DSG3: variants seen among roughly 807,000 people sequenced by gnomAD.
DSG3 encodes the protein desmoglein 3.
In DSG3, 63 loss-of-function variants were observed where a neutral mutation model predicts 85.9. The observed-to-expected ratio is 0.73, with a 90% CI of 0.60 to 0.90. DSG3 has a LOEUF of 0.90. DSG3 is among the 40% of genes least tolerant of loss of function. The pLI is 0.00. For missense variants in DSG3, 1,220 were observed against 1,219.9 expected (o/e 1.00, Z 0.00); for synonymous variants, 447 against 441.9 (o/e 1.01, Z -0.14).
chr18:31,469,428 T>G (rs1267945322), intron 12 of DSG3, 79 bp downstream of exon 12: 2 of 1,543,594 alleles, frequency 1.3e-6, no homozygotes, highest in Non-Finnish European at 1.7e-6. Flanking sequence ...TGCTCATCTG[T>G]GCAATGGGGA....
Position 31,476,279 on chromosome 18 carries a change from C to A in DSG3, c.*19C>A. ...AATATGACCAGAATGAGCTGGAATA[C>A]CACACTGACCAAATCTGGATCTTTG... is the stretch of plus-strand genomic sequence containing the variant. On this transcript the variant is annotated 3_prime_UTR_variant, in exon 16 of 16. Coordinates refer to ENST00000257189, the MANE Select transcript of DSG3 (RefSeq NM_001944.3). The A allele has an allele frequency of 6.3e-7, 1 of 1,582,756 alleles. No individual in the cohort carries two copies. Among genetic ancestry groups the A allele is most frequent in the Non-Finnish European group, 8.6e-7 (1 of 1,163,894 alleles).
chr18:31,476,114 G>C lies in DSG3; in HGVS notation c.2854G>C (p.Asp952His). The C allele has an allele frequency of 6.2e-7, 1 of 1,614,122 alleles. No homozygotes were observed. Among genetic ancestry groups the C allele is most frequent in the Non-Finnish European group, 8.5e-7 (1 of 1,180,018 alleles). Residue 952 changes from aspartate to histidine, a missense_variant, in exon 16 of 16, where the codon GAT (aspartate) becomes CAT (histidine). Physicochemically the swap from Asp to His is moderately conservative, Grantham distance 81 (BLOSUM62 -1). Coordinates refer to ENST00000257189, the MANE Select transcript of DSG3 (RefSeq NM_001944.3). ...SLVQPSTAGF[D>H]PLLTQNVIVT... Reference sequence around the variant, plus strand: ...CGTGCAACCTTCCACTGCAGGCTTTGATCCACTTCTCACACAAAATGTGAT... The same window carrying C: ...CGTGCAACCTTCCACTGCAGGCTTTCATCCACTTCTCACACAAAATGTGAT...
chr18:31,463,721 C>CT (rs557926261), intron 8 of DSG3, among the ~76,000 whole-genome samples: 1 of 151,846 alleles, frequency 6.6e-6, no homozygotes, highest in Admixed American at 6.6e-5. Flanking sequence ...TGAGGTAAGG[C>CT]TTTTTTTTCA....
rs16961966 is a variant in DSG3 at position 31,461,158 on chromosome 18, T to A, written c.814-69T>A. On this transcript the variant is annotated intron_variant, in intron 7 of 15. Coordinates refer to ENST00000257189, the MANE Select transcript of DSG3 (RefSeq NM_001944.3). ...AATTTGAGAAATAAGGATTACCATT[T>A]AGAAGAAACATAATCTCTCCATGTA... The A allele has an allele frequency of 2.4e-3, 3,217 of 1,366,088 alleles. 69 individuals are homozygous for A. The African/African-American group carries it at 0.042, about 18-fold the overall frequency. 84.6% of individuals were successfully genotyped at this position (1,366,088 alleles called of 1,614,324 possible). A position where few individuals can be genotyped will look rare whatever the true frequency, so the allele number is the denominator to read the frequency against.
In DSG3 at chr18:31,477,738, TGGTCATTCAAG is replaced by T. The variant is rs2072897805; in HGVS notation, c.*1479_*1489del. ...GTAATGCAGCTCTTCGAGTCATTTC[TGGTCATTCAAG>T]ATATTCACCCTTTTGCCCATAGAAA... On this transcript the variant is annotated 3_prime_UTR_variant, in exon 16 of 16. Coordinates refer to ENST00000257189, the MANE Select transcript of DSG3 (RefSeq NM_001944.3). The T allele has an allele frequency of 6.6e-6, 1 of 152,180 alleles. No homozygotes were observed. Among genetic ancestry groups the T allele is most frequent in the African/African-American group, 2.4e-5 (1 of 41,446 alleles). The allele number at this position is 152,180 out of a possible 1,614,324, so 9.4% of individuals were successfully genotyped here.
rs1034988442 is a variant in DSG3 at position 31,460,074 on chromosome 18, G to A, written c.684+63G>A. On this transcript the variant is annotated intron_variant, in intron 6 of 15. Coordinates refer to ENST00000257189, the MANE Select transcript of DSG3 (RefSeq NM_001944.3). ...GGGTTTGATTATAAGAAAACCAAGA[G>A]AGGTGACTCCATTTTACCCGAAAAT... The A allele has an allele frequency of 4.0e-6, 6 of 1,499,150 alleles. No individual in the cohort carries two copies. In the Admixed American group the frequency reaches 8.6e-5, roughly 21 times the overall value. The allele number at this position is 1,499,150 out of a possible 1,614,324, so 92.9% of individuals were successfully genotyped here.
Position 31,466,631 on chromosome 18 carries a change from T to C in DSG3, c.1513T>C (p.Ser505Pro). The C allele has an allele frequency of 6.2e-7, 1 of 1,614,228 alleles. No individual in the cohort carries two copies. The highest frequency in any genetic ancestry group is 8.5e-7 in the Non-Finnish European group (1 of 1,180,034). The change falls in exon 11 of 16, where the codon TCT (serine) becomes CCT (proline). Residue 505 changes from serine (S) to proline (P), a missense_variant. Transcript: ENST00000257189. ...CCTCGAAAAAGATGCAGTTTGCAGT[T>C]CTTCACCTTCCGTGGTTGTCTCCGC... ...AVLEKDAVCS[S>P]SPSVVVSART...
In DSG3 at chr18:31,456,438, A is replaced by G; in HGVS notation, c.49-2A>G. ...AATTCGACTTTATTTAAATGTCTGC[A>G]GGTGGTCATATTGGTTCATGGAGAA... On this transcript the variant is annotated splice_acceptor_variant, in intron 1 of 15. Transcript: ENST00000257189. LOFTEE classifies it high-confidence loss of function. The G allele has an allele frequency of 7.4e-7, 1 of 1,353,920 alleles. No homozygotes were observed. Among genetic ancestry groups the G allele is most frequent in the Non-Finnish European group, 9.6e-7 (1 of 1,045,330 alleles). The allele number at this position is 1,353,920 out of a possible 1,614,324, so 83.9% of individuals were successfully genotyped here. A position where few individuals can be genotyped will look rare whatever the true frequency, so the allele number is the denominator to read the frequency against.
In DSG3 at chr18:31,476,952, C is replaced by A. The variant is rs994187887; in HGVS notation, c.*692C>A. Reference sequence around the variant, plus strand: ...CCGCAGTCCGGCCTGGGCGACAGAGCGAGACTCCGTCTCAAAAAAAAAAAA... The same window carrying A: ...CCGCAGTCCGGCCTGGGCGACAGAGAGAGACTCCGTCTCAAAAAAAAAAAA... On this transcript the variant is annotated 3_prime_UTR_variant, in exon 16 of 16. Coordinates refer to ENST00000257189, the MANE Select transcript of DSG3 (RefSeq NM_001944.3). 3.0e-5 allele frequency: 4 copies of A among 132,362 alleles called. No homozygotes were observed. Among genetic ancestry groups the A allele is most frequent in the Non-Finnish European group, 4.6e-5 (3 of 64,626 alleles). 8.2% of individuals were successfully genotyped at this position (132,362 alleles called of 1,614,324 possible). A position where few individuals can be genotyped will look rare whatever the true frequency, so the allele number is the denominator to read the frequency against.
chr18:31,469,067 T>C, intron 11 of DSG3, 22 bp from the exon 12 acceptor site: 1 of 1,608,840 alleles, frequency 6.2e-7, no homozygotes, highest in Non-Finnish European at 8.5e-7. Flanking sequence ...TACTGTTGAT[T>C]TGCATGATTC....
rs758334122 is a variant in DSG3, at chr18:31,476,071, C to G, written c.2811C>G (p.Tyr937Ter). 1.2e-6 allele frequency: 2 copies of G among 1,614,210 alleles called. No individual in the cohort carries two copies. Among genetic ancestry groups the G allele is most frequent in the African/African-American group, 1.3e-5 (1 of 75,058 alleles). The change falls in exon 16 of 16, where the codon TAC (tyrosine) becomes TAG (stop). Residue 937 changes from tyrosine to a stop codon, truncating the protein, a stop_gained. Coordinates refer to ENST00000257189, the MANE Select transcript of DSG3 (RefSeq NM_001944.3). LOFTEE classifies it low-confidence loss of function (END_TRUNC). The stretch of plus-strand genomic sequence containing the variant: ...GTAACTATTTAGTAACGGAGACTTA[C>G]TCGGCTTCTGGTTCCCTCGTGCAAC... Reference protein sequence around the residue: ...QHGNYLVTETYSASGSLVQPS... With the variant: ...QHGNYLVTET
In DSG3 at chr18:31,461,398, C is replaced by A. The variant is rs2072785437; in HGVS notation, c.985C>A (p.Leu329Met). The change falls in exon 8 of 16, where the codon CTG (leucine) becomes ATG (methionine). Residue 329 changes from leucine to methionine, a missense_variant. Physicochemically the swap from Leu to Met is conservative, Grantham distance 15 (BLOSUM62 2). Coordinates refer to ENST00000257189, the MANE Select transcript of DSG3 (RefSeq NM_001944.3). The part of the protein sequence containing the change: ...QTDPRTNEGI[L>M]KVVKALDYEQ... ...TGATCCTAGAACTAATGAAGGCATC[C>A]TGAAAGTGGTGAAGGTAAGGTCTGA... is the stretch of plus-strand genomic sequence containing the variant. 2 of 1,612,444 alleles carry A rather than the reference C, an allele frequency of 1.2e-6. No homozygotes were observed. Among genetic ancestry groups the A allele is most frequent in the Non-Finnish European group, 1.7e-6 (2 of 1,179,582 alleles).
At position 31,457,576 on chromosome 18, in the gene DSG3, TC is replaced by T. The variant is rs1214483897; in HGVS notation, c.216+453del. On this transcript the variant is annotated intron_variant, in intron 3 of 15. Coordinates refer to ENST00000257189, the MANE Select transcript of DSG3 (RefSeq NM_001944.3). ...TTCTTTCTTTCTTTCTTTCTTTCTT[TC>T]TTTCTTTCTTCTTTCTTTCTTTCTT... Among the ~76,000 whole-genome samples, 149 of 74,564 alleles carry T rather than the reference TC, an allele frequency of 2.0e-3. 2 individuals are homozygous for T. The highest frequency in any genetic ancestry group is 0.011 in the African/African-American group (138 of 13,020). The allele number at this position is 74,564 out of a possible 152,430, so 48.9% of individuals were successfully genotyped here. A position where few individuals can be genotyped will look rare whatever the true frequency, so the allele number is the denominator to read the frequency against.
At chr18:31,449,624 G>T (rs1328923696) in intron 1 of DSG3, among the ~76,000 whole-genome samples, 1 of 152,156 alleles carries the variant, frequency 6.6e-6, no homozygotes, top group African/African-American at 2.4e-5. Context: ...TTTGAAGAAT[G>T]AGTAAATGAA....
chr18:31,450,040 A>G (rs2072701895), intron 1 of DSG3, among the ~76,000 whole-genome samples: 1 of 152,268 alleles, frequency 6.6e-6, no homozygotes, highest in Non-Finnish European at 1.5e-5. Context: ...TATTGTTAAA[A>G]TGCATTTCAC....
At chr18:31,475,255 G>A (rs567149705) in intron 15 of DSG3, among the ~76,000 whole-genome samples, 1 of 152,270 alleles carries the variant, frequency 6.6e-6, no homozygotes, top group East Asian at 1.9e-4. Flanking sequence ...ACTGGTAAGT[G>A]CCAAGGTCTG....
chr18:31,468,270 G>C (rs144676153), intron 11 of DSG3, among the ~76,000 whole-genome samples: 1 of 152,346 alleles, frequency 6.6e-6, no homozygotes, highest in African/African-American at 2.4e-5. Context: ...ACCAGGAAGA[G>C]CACTTGAGGT....
rs140877113 is a variant in DSG3, at chr18:31,471,095, T to C, written c.1898-1189T>C. The stretch of plus-strand genomic sequence containing the variant: ...TAGAAAGGAAAGAACACTTAAGAGG[T>C]CATTGTAAAAGTTCAAGAGAGATGA... On this transcript the variant is annotated intron_variant, in intron 12 of 15. Coordinates refer to ENST00000257189, the MANE Select transcript of DSG3 (RefSeq NM_001944.3). Among the ~76,000 whole-genome samples, 33 of 152,054 alleles carry C rather than the reference T, an allele frequency of 2.2e-4. No individual in the cohort carries two copies. The East Asian group carries it at 5.6e-3, about 26-fold the overall frequency.
chr18:31,450,425 G>A (rs913741031), intron 1 of DSG3, among the ~76,000 whole-genome samples: 1 of 152,190 alleles, frequency 6.6e-6, no homozygotes, highest in African/African-American at 2.4e-5. Flanking sequence ...TTTTGTGAAG[G>A]CTCATGGAAA....
Sources: allele counts gnomAD v4.1 joint callset (sites outside exome capture counted in the v4.1 genomes callset), GRCh38; gene constraint gnomAD v4.1.1; transcripts MANE v1.5; gene names NCBI Gene and HGNC (gene_info 2026-07-23, HGNC 2026-07-21).